The following SLAMF7 variants were observed in gnomAD, a reference collection of about 807,000 sequenced individuals.
SLAMF7 encodes 19A24 protein.
Under a neutral mutation model 34.1 loss-of-function variants are expected in SLAMF7, and 26 were observed. The observed-to-expected ratio is 0.76, with a 90% CI of 0.56 to 1.06. SLAMF7 has a LOEUF of 1.06. SLAMF7 is among the 50% of genes least tolerant of loss of function. SLAMF7 has a pLI of 0.00. For missense variants in SLAMF7, 399 were observed against 402.5 expected (o/e 0.99, Z 0.07); for synonymous variants, 171 against 156.4 (o/e 1.09, Z -0.70).
At chr1:160,744,009 T>C (rs1430715625) in intron 1 of SLAMF7, among the ~76,000 whole-genome samples, 1 of 152,076 alleles carries the variant, frequency 6.6e-6, no homozygotes, top group Non-Finnish European at 1.5e-5. Context: ...CCATAACACA[T>C]GTAGTTATTT....
intron 1 of SLAMF7, among the ~76,000 whole-genome samples, chr1:160,743,254 G>C (rs1398555702): frequency 6.6e-6 from 1 of 152,170 alleles, no homozygotes; most frequent in African/African-American, 2.4e-5. Flanking sequence ...GCTTCCTCAG[G>C]GAAGAGCTTT....
At chr1:160,751,559 A>G in intron 5 of SLAMF7, 111 bp downstream of exon 5, 3 of 827,354 alleles carry the variant, frequency 3.6e-6, no homozygotes, top group South Asian at 1.5e-5. Flanking sequence ...GTGAGGATAT[A>G]TAGACTTAAA....
At chr1:160,749,153 G>A (rs1314513670) in intron 2 of SLAMF7, among the ~76,000 whole-genome samples, 1 of 152,202 alleles carries the variant, frequency 6.6e-6, no homozygotes, top group African/African-American at 2.4e-5. Flanking sequence ...GGTAGGCACT[G>A]CACCTGATCC....
At chr1:160,750,729 C>G (rs1664503573) in intron 4 of SLAMF7, 1 of 276,480 alleles carries the variant, frequency 3.6e-6, no homozygotes, top group Non-Finnish European at 6.9e-6. Context: ...AGGCCCCACA[C>G]TGCTGACTCT....
At chr1:160,742,059 C>G (rs771198814) in intron 1 of SLAMF7, among the ~76,000 whole-genome samples, 4 of 152,046 alleles carry the variant, frequency 2.6e-5, no homozygotes, top group South Asian at 2.1e-4. Context: ...CTCCCCTCCC[C>G]CAAAGTCTTC....
intron 3 of SLAMF7, 72 bp from the exon 4 acceptor site, chr1:160,750,232 T>C: frequency 1.3e-6 from 2 of 1,587,524 alleles, no homozygotes; most frequent in South Asian, 1.2e-5. Context: ...AGGTGGCAGG[T>C]GCTCCAAGAC....
At chr1:160,741,543 C>T (rs1362974281) in intron 1 of SLAMF7, among the ~76,000 whole-genome samples, 1 of 152,136 alleles carries the variant, frequency 6.6e-6, no homozygotes, top group Non-Finnish European at 1.5e-5. Context: ...AGATTTCAAA[C>T]CACTTTGGGT....
At chr1:160,740,976 C>T (rs1663695060) in intron 1 of SLAMF7, among the ~76,000 whole-genome samples, 1 of 152,182 alleles carries the variant, frequency 6.6e-6, no homozygotes, top group Admixed American at 6.5e-5. Flanking sequence ...GGACCTGGCA[C>T]CAAAGAGATG....
intron 1 of SLAMF7, among the ~76,000 whole-genome samples, chr1:160,740,068 T>G (rs553865340): frequency 6.6e-6 from 1 of 152,150 alleles, no homozygotes; most frequent in South Asian, 2.1e-4. Flanking sequence ...GGTCCCCCTA[T>G]AAGGACTTCA....
At chr1:160,744,577 C>T (rs754917109) in intron 1 of SLAMF7, among the ~76,000 whole-genome samples, 40 of 152,188 alleles carry the variant, frequency 2.6e-4, no homozygotes, top group Non-Finnish European at 5.0e-4. Flanking sequence ...GAATACAGCA[C>T]TACGTGTGTG....
At position 160,753,124 on chromosome 1, in the gene SLAMF7, C is replaced by T. The variant is rs918927209; in HGVS notation, c.955C>T (p.Leu319=). ...TCTTCAGATGGAAAATCCCCACTCA[C>T]TGCTCACGATGCCAGACACACCAAG... is the stretch of plus-strand genomic sequence containing the variant. ...IPKKMENPHS[L]LTMPDTPRLF... is the part of the protein sequence containing the mutation. The change falls in exon 7 of 7, where the codon CTG becomes TTG. Residue 319 remains leucine (L), a synonymous_variant. Transcript: ENST00000368043. 1 of 1,613,690 alleles carries T rather than the reference C, an allele frequency of 6.2e-7. No individual in the cohort carries two copies. Among genetic ancestry groups the T allele is most frequent in the Admixed American group, 1.7e-5 (1 of 59,992 alleles).
chr1:160,743,363 G>C (rs1663889009), intron 1 of SLAMF7, among the ~76,000 whole-genome samples: 1 of 152,190 alleles, frequency 6.6e-6, no homozygotes, highest in South Asian at 2.1e-4. Flanking sequence ...GATCAGGGGA[G>C]GGAGGAGGCC....
intron 1 of SLAMF7, 86 bp from the exon 2 acceptor site, chr1:160,748,108 C>T (rs1348536419): frequency 2.2e-6 from 3 of 1,390,404 alleles, no homozygotes; most frequent in Admixed American, 2.4e-5. Context: ...GTGGGTTTCT[C>T]AGATCTCTCC....
In SLAMF7 at chr1:160,750,091, A is replaced by G. The variant is rs780283727; in HGVS notation, c.647A>G (p.Glu216Gly). The change falls in exon 3 of 7, where the codon GAA (glutamate) becomes GGA (glycine). Residue 216 changes from glutamate (E) to glycine (G), a missense_variant and splice_region_variant. Glu to Gly is a moderately conservative substitution (Grantham distance 98, BLOSUM62 -2). Coordinates refer to ENST00000368043, the MANE Select transcript of SLAMF7 (RefSeq NM_021181.5). ...CCCATCCTTGCCAGGAAGCTCTGTGAAGGTGACTGCCTCTCCCCTCTCCAC... is the reference window on the plus strand; with the variant it reads ...CCCATCCTTGCCAGGAAGCTCTGTGGAGGTGACTGCCTCTCCCCTCTCCAC... ...SSPILARKLC[E>G]GAADDPDSSM... 1 of 1,613,482 alleles carries G rather than the reference A, an allele frequency of 6.2e-7. No homozygotes were observed. Among genetic ancestry groups the G allele is most frequent in the South Asian group, 1.1e-5 (1 of 91,012 alleles).
At chr1:160,741,801 G>A (rs1302346740) in intron 1 of SLAMF7, among the ~76,000 whole-genome samples, 2 of 152,128 alleles carry the variant, frequency 1.3e-5, no homozygotes, top group African/African-American at 4.8e-5. Context: ...TAGGAGCCTT[G>A]GCTCCTAATC....
At chr1:160,741,000 C>T (rs1482036790) in intron 1 of SLAMF7, among the ~76,000 whole-genome samples, 1 of 152,216 alleles carries the variant, frequency 6.6e-6, no homozygotes, top group Non-Finnish European at 1.5e-5. Context: ...ACTACATGTG[C>T]ATTTGAGCTG....
chr1:160,746,936 A>G (rs1664179291), intron 1 of SLAMF7, among the ~76,000 whole-genome samples: 1 of 152,168 alleles, frequency 6.6e-6, no homozygotes, highest in Non-Finnish European at 1.5e-5. Context: ...TGTGTTTTTT[A>G]CTATTATAAT....
intron 1 of SLAMF7, among the ~76,000 whole-genome samples, chr1:160,741,085 G>T (rs935721515): frequency 6.6e-6 from 1 of 152,134 alleles, no homozygotes; most frequent in Non-Finnish European, 1.5e-5. Flanking sequence ...AACTGGAAAG[G>T]CCCGAGAAGA....
At chr1:160,748,154 C>A in intron 1 of SLAMF7, 40 bp from the exon 2 acceptor site, 1 of 1,589,814 alleles carries the variant, frequency 6.3e-7, no homozygotes, top group South Asian at 1.1e-5. Flanking sequence ...GTGACAAGGA[C>A]AGGGAATCAG....
Sources: gnomAD v4.1 joint callset for allele counts (sites outside exome capture counted in the v4.1 genomes callset) on GRCh38, gnomAD v4.1.1 for gene constraint, MANE v1.5 for transcripts, NCBI Gene and HGNC (gene_info 2026-07-23, HGNC 2026-07-21) for gene names.